CARMIL1: variants seen among roughly 807,000 people sequenced by gnomAD.
The protein encoded by CARMIL1 is capping protein regulator and myosin 1 linker 1.
In CARMIL1, 90 loss-of-function variants were observed where a neutral mutation model predicts 177.1. The observed-to-expected ratio is 0.51, with a 90% CI of 0.43 to 0.61. The LOEUF (loss-of-function observed/expected upper bound fraction) is 0.61. Ranked by LOEUF, CARMIL1 falls within the 20% of genes least tolerant of loss-of-function variation. The pLI, the probability that CARMIL1 is intolerant of heterozygous loss-of-function variation, is 0.00. For synonymous variants in CARMIL1, 577 were observed against 606.2 expected, an observed-to-expected ratio of 0.95 and a Z score of 0.71; for missense variants, 1,380 against 1,667.0, an observed-to-expected ratio of 0.83 and a Z score of 3.00.
At chr6:25,356,464 C>G (rs1788628187) in intron 2 of CARMIL1, among the ~76,000 whole-genome samples, 1 of 152,150 alleles carries the variant, frequency 6.6e-6, no homozygotes. Flanking sequence ...GTTTAAAAAA[C>G]CAGAGATTTG....
At chr6:25,452,002 C>CCCCCCCCCCCCCCCCCA in intron 8 of CARMIL1, 1 of 258,928 alleles carries the variant, frequency 3.9e-6, no homozygotes, top group Non-Finnish European at 7.8e-6. Context: ...CCCTCCCCCC[C>CCCCCCCCCCCCCCCCCA]CCAGAATACT....
At chr6:25,409,572 A>G (rs1794724012) in intron 2 of CARMIL1, among the ~76,000 whole-genome samples, 1 of 152,168 alleles carries the variant, frequency 6.6e-6, no homozygotes, top group Non-Finnish European at 1.5e-5. Flanking sequence ...TGTTCTTGCC[A>G]TCTTACCAGC....
At chr6:25,360,877 C>T in intron 2 of CARMIL1, among the ~76,000 whole-genome samples, 1 of 152,220 alleles carries the variant, frequency 6.6e-6, no homozygotes, top group East Asian at 1.9e-4. Flanking sequence ...AACCATCACT[C>T]AGTTTTACAT....
At chr6:25,351,667 C>T (rs959256356) in intron 2 of CARMIL1, among the ~76,000 whole-genome samples, 2 of 152,176 alleles carry the variant, frequency 1.3e-5, no homozygotes, top group African/African-American at 4.8e-5. Flanking sequence ...GAACAAGGGA[C>T]TTGAAGTCAA....
At chr6:25,517,160 C>T (rs571241218) in intron 21 of CARMIL1, among the ~76,000 whole-genome samples, 187 bp from the exon 22 acceptor site, 5 of 152,012 alleles carry the variant, frequency 3.3e-5, no homozygotes, top group African/African-American at 9.7e-5. Flanking sequence ...AAATGTGTTA[C>T]GAATATAATA....
At chr6:25,462,427 A>G (rs372024101) in intron 8 of CARMIL1, among the ~76,000 whole-genome samples, 1 of 152,230 alleles carries the variant, frequency 6.6e-6, no homozygotes, top group Middle Eastern at 3.4e-3. Flanking sequence ...TCACTGTGTT[A>G]TAGCTGCTTT....
At chr6:25,493,443 TC>T (rs1354195717) in intron 15 of CARMIL1, among the ~76,000 whole-genome samples, 1 of 152,214 alleles carries the variant, frequency 6.6e-6, no homozygotes, top group Non-Finnish European at 1.5e-5. Context: ...GTTAGATTGT[TC>T]CACAGTAACA....
rs112566976 is a variant in CARMIL1 at position 25,558,576 on chromosome 6, G to C, written c.2742+1726G>C. Reference sequence around the variant, plus strand: ...ACCACCCTCAGAACTTAAGGGACAGGCCTGCAGCAGGCACAGCCCCTGTGA... The same window carrying C: ...ACCACCCTCAGAACTTAAGGGACAGCCCTGCAGCAGGCACAGCCCCTGTGA... On this transcript the variant is annotated intron_variant, in intron 29 of 36. Coordinates refer to ENST00000329474, the MANE Select transcript of CARMIL1 (RefSeq NM_017640.6). The surrounding 1 kb of genome is among the most constrained non-coding windows in gnomAD (Gnocchi z 4.1). 5.6e-3 allele frequency among the ~76,000 whole-genome samples: 858 copies of C among 152,310 alleles called. 5 individuals carry two copies. Among genetic ancestry groups the C allele is most frequent in the African/African-American group, 0.02 (814 of 41,560 alleles).
chr6:25,526,327 C>A (rs1160924407), intron 23 of CARMIL1, among the ~76,000 whole-genome samples: 40 of 150,452 alleles, frequency 2.7e-4, no homozygotes, highest in African/African-American at 8.8e-4. Context: ...TGGGCGACAG[C>A]ACAAGACTCC....
intron 2 of CARMIL1, among the ~76,000 whole-genome samples, chr6:25,340,711 T>C (rs1160322978): frequency 4.7e-5 from 7 of 148,346 alleles, no homozygotes; most frequent in East Asian, 2.0e-4. Flanking sequence ...AATGCCTCAA[T>C]GTACAGGATA....
At chr6:25,351,460 A>G (rs1397238637) in intron 2 of CARMIL1, among the ~76,000 whole-genome samples, 2 of 152,240 alleles carry the variant, frequency 1.3e-5, no homozygotes, top group Non-Finnish European at 2.9e-5. Flanking sequence ...CCTGTTGTCT[A>G]GATCTTGGTA....
chr6:25,467,085 C>T (rs968603204), intron 9 of CARMIL1, among the ~76,000 whole-genome samples: 1 of 152,020 alleles, frequency 6.6e-6, no homozygotes, highest in Non-Finnish European at 1.5e-5. Flanking sequence ...AAGTAGATGT[C>T]TAATAAGTTA....
Position 25,558,584 on chromosome 6 carries a change from C to T in CARMIL1, c.2742+1734C>T, listed in dbSNP as rs1483874732. Among the ~76,000 whole-genome samples, 1 of 152,216 alleles carries T rather than the reference C, an allele frequency of 6.6e-6. No individual in the cohort carries two copies. The highest frequency in any genetic ancestry group is 1.9e-4 in the East Asian group (1 of 5,200). On this transcript the variant is annotated intron_variant, in intron 29 of 36. Coordinates refer to ENST00000329474, the MANE Select transcript of CARMIL1 (RefSeq NM_017640.6). This position sits in a 1 kb window ranked among gnomAD's most constrained non-coding sequence, Gnocchi z 4.1. ...CAGAACTTAAGGGACAGGCCTGCAGCAGGCACAGCCCCTGTGAGTCAGCAT... is the reference window on the plus strand; with the variant it reads ...CAGAACTTAAGGGACAGGCCTGCAGTAGGCACAGCCCCTGTGAGTCAGCAT...
intron 31 of CARMIL1, among the ~76,000 whole-genome samples, chr6:25,586,795 A>G (rs971800574): frequency 5.9e-4 from 90 of 152,230 alleles, no homozygotes; most frequent in African/African-American, 2.0e-3. Flanking sequence ...TCCACCAAAA[A>G]ATACAAAAAC....
intron 24 of CARMIL1, among the ~76,000 whole-genome samples, chr6:25,534,936 C>T (rs1344718208): frequency 1.3e-5 from 2 of 152,200 alleles, no homozygotes; most frequent in Non-Finnish European, 2.9e-5. Context: ...ACAGTTGTAT[C>T]AACTTGTGAG....
intron 2 of CARMIL1, among the ~76,000 whole-genome samples, chr6:25,368,236 A>G (rs1790045269): frequency 6.6e-6 from 1 of 152,208 alleles, no homozygotes. Context: ...TTAAATAACT[A>G]ATAGAGGTCA....
rs572155843 is a variant in CARMIL1, at chr6:25,619,711, C to T, written c.*128C>T. On this transcript the variant is annotated 3_prime_UTR_variant, in exon 37 of 37. Coordinates refer to ENST00000329474, the MANE Select transcript of CARMIL1 (RefSeq NM_017640.6). ...TTTATTCTCTTCTTTTTCTTTATTTCGCCCCCACCCCCATCCCCTGCCTTT... is the reference window on the plus strand; with the variant it reads ...TTTATTCTCTTCTTTTTCTTTATTTTGCCCCCACCCCCATCCCCTGCCTTT... The T allele has an allele frequency of 2.1e-5, 12 of 574,778 alleles. No homozygotes were observed. Among genetic ancestry groups the T allele is most frequent in the African/African-American group, 4.3e-5 (2 of 46,102 alleles). The allele number at this position is 574,778 out of a possible 1,614,324, so 35.6% of individuals were successfully genotyped here.
At chr6:25,363,783 T>C (rs1789475414) in intron 2 of CARMIL1, among the ~76,000 whole-genome samples, 1 of 152,232 alleles carries the variant, frequency 6.6e-6, no homozygotes, top group South Asian at 2.1e-4. Context: ...TAAGAAGTTA[T>C]ACAGAGTGAT....
chr6:25,464,022 C>T (rs1466089129), intron 8 of CARMIL1, among the ~76,000 whole-genome samples: 2 of 151,908 alleles, frequency 1.3e-5, no homozygotes, highest in Non-Finnish European at 2.9e-5. Context: ...CGGGGTTTCA[C>T]CGTTTTAGCC....
Sources: allele counts gnomAD v4.1 joint callset (sites outside exome capture counted in the v4.1 genomes callset), GRCh38; gene constraint gnomAD v4.1.1; non-coding constraint Gnocchi (gnomAD v3.1); transcripts MANE v1.5; gene names NCBI Gene and HGNC (gene_info 2026-07-23, HGNC 2026-07-21).